Variants in GPHN observed in about 807,000 individuals in gnomAD.
GPHN encodes gephyrin.
GPHN carries 17 observed loss-of-function variants against 95.5 expected under a neutral mutation model. That is an observed-to-expected ratio of 0.18 (90% CI 0.12 to 0.27). The LOEUF is 0.27. Among genes scored for constraint, GPHN ranks in the 10% least tolerant of loss-of-function variants. GPHN has a pLI of 1.00. For synonymous variants in GPHN, 320 were observed against 322.5 expected (o/e 0.99, Z 0.08); for missense variants, 660 against 978.1 (o/e 0.67, Z 4.34).
chr14:67,402,895 T>C, the GPHN span, among the ~76,000 whole-genome samples: 1 of 152,216 alleles, frequency 6.6e-6, no homozygotes, highest in African/African-American at 2.4e-5. Context: ...TGTGCAGATA[T>C]CTCTTCAATA....
the GPHN span, chr14:67,690,459 A>T: frequency 1.3e-6 from 2 of 1,576,362 alleles, no homozygotes; most frequent in Non-Finnish European, 1.7e-6. Context: ...GTTCAGGGCC[A>T]TGTAGGAATG....
intron 1 of GPHN, among the ~76,000 whole-genome samples, chr14:66,536,492 A>G (rs915602920): frequency 6.6e-6 from 1 of 152,164 alleles, no homozygotes; most frequent in Non-Finnish European, 1.5e-5. Flanking sequence ...ACATCTATTC[A>G]TGAAAGATAT....
chr14:67,318,796 G>A, the GPHN span, among the ~76,000 whole-genome samples: 2 of 152,136 alleles, frequency 1.3e-5, no homozygotes, highest in African/African-American at 4.8e-5. Flanking sequence ...GGTGGGTCAT[G>A]CCTGTAATCC....
At chr14:66,808,118 T>G (rs1595971185) in intron 3 of GPHN, among the ~76,000 whole-genome samples, 1 of 152,364 alleles carries the variant, frequency 6.6e-6, no homozygotes, top group East Asian at 1.9e-4. Flanking sequence ...TTTAAGTTTT[T>G]TCATTGATTA....
intron 1 of GPHN, among the ~76,000 whole-genome samples, chr14:66,543,286 A>G (rs915454571): frequency 3.3e-5 from 5 of 152,180 alleles, no homozygotes; most frequent in East Asian, 3.9e-4. Context: ...AAGGTCACCA[A>G]TGATCTTCAT....
chr14:66,743,736 C>T (rs1401372680), intron 2 of GPHN, among the ~76,000 whole-genome samples: 3 of 152,098 alleles, frequency 2.0e-5, no homozygotes, highest in Non-Finnish European at 4.4e-5. Flanking sequence ...AGCGAGACTC[C>T]ATCTCAAAAA....
At chr14:66,919,167 T>C (rs964544106) in intron 6 of GPHN, among the ~76,000 whole-genome samples, 4 of 152,228 alleles carry the variant, frequency 2.6e-5, no homozygotes, top group African/African-American at 4.8e-5. Flanking sequence ...TACTTTATGA[T>C]GGTAGTTAGA....
At chr14:66,522,041 G>C (rs1434976761) in intron 1 of GPHN, among the ~76,000 whole-genome samples, 1 of 152,038 alleles carries the variant, frequency 6.6e-6, no homozygotes. Context: ...CTGGCAGATA[G>C]TTTCAAATTG....
chr14:67,615,132 A>G, the GPHN span: 1 of 152,286 alleles, frequency 6.6e-6, no homozygotes, highest in African/African-American at 2.4e-5. Flanking sequence ...AAGGAAGAAG[A>G]AAAATAGAGC....
At chr14:66,587,050 G>A (rs1456041264) in intron 1 of GPHN, among the ~76,000 whole-genome samples, 1 of 152,024 alleles carries the variant, frequency 6.6e-6, no homozygotes, top group African/African-American at 2.4e-5. Flanking sequence ...AAATGAAAGA[G>A]TAGGCAATAC....
intron 10 of GPHN, among the ~76,000 whole-genome samples, chr14:67,028,483 A>G (rs1567229297): frequency 6.6e-6 from 1 of 152,106 alleles, no homozygotes; most frequent in Non-Finnish European, 1.5e-5. Context: ...ATTCCCACCA[A>G]CAGTGTATAA....
At chr14:67,670,602 G>A in the GPHN span, among the ~76,000 whole-genome samples, 1 of 150,594 alleles carries the variant, frequency 6.6e-6, no homozygotes, top group Admixed American at 6.6e-5. Flanking sequence ...TCGCTCTGTC[G>A]CCTGCAATCT....
intron 3 of GPHN, among the ~76,000 whole-genome samples, chr14:66,792,708 G>A (rs1277248276): frequency 1.3e-5 from 2 of 152,152 alleles, no homozygotes; most frequent in Non-Finnish European, 2.9e-5. Context: ...GCTCAGTCAG[G>A]GAGACCCTAA....
the GPHN span, chr14:67,575,815 G>A: frequency 6.2e-7 from 1 of 1,610,878 alleles, no homozygotes; most frequent in South Asian, 1.1e-5. Context: ...GAAGACTGCT[G>A]TCCACAGCGA....
the GPHN span, chr14:67,734,357 G>A: frequency 2.5e-5 from 4 of 158,314 alleles, no homozygotes; most frequent in Admixed American, 2.4e-4. Flanking sequence ...CTCTCACCTG[G>A]ACCTTCCCAT....
intron 10 of GPHN, among the ~76,000 whole-genome samples, chr14:67,050,631 G>A (rs1207649201): frequency 6.6e-6 from 1 of 152,058 alleles, no homozygotes. Flanking sequence ...ATTCCTGCCA[G>A]TAGATAACCA....
chr14:67,298,256 C>G, the GPHN span, among the ~76,000 whole-genome samples: 1 of 151,972 alleles, frequency 6.6e-6, no homozygotes, highest in Non-Finnish European at 1.5e-5. Context: ...TTATTAGTAT[C>G]AAGTCAAAAT....
chr14:66,572,508 A>G (rs542077766), intron 1 of GPHN, among the ~76,000 whole-genome samples: 2 of 149,114 alleles, frequency 1.3e-5, no homozygotes, highest in East Asian at 2.0e-4. Context: ...GTGTGTGTGT[A>G]TACGTCTGTT....
the GPHN span, among the ~76,000 whole-genome samples, chr14:67,428,853 G>A: frequency 6.6e-6 from 1 of 152,218 alleles, no homozygotes; most frequent in Non-Finnish European, 1.5e-5. Flanking sequence ...CTGCTGGAGA[G>A]AGAAGCAGGC....
Sources: allele counts gnomAD v4.1 joint callset (sites outside exome capture counted in the v4.1 genomes callset), GRCh38; gene constraint gnomAD v4.1.1; transcripts MANE v1.5; gene names NCBI Gene and HGNC (gene_info 2026-07-23, HGNC 2026-07-21).